Variants in TPRG1 observed in about 807,000 individuals in gnomAD.
The protein encoded by TPRG1 is tumor protein p63-regulated gene 1 protein.
Under a neutral mutation model 29.3 loss-of-function variants are expected in TPRG1, and 29 were observed. That is an observed-to-expected ratio of 0.99 (90% confidence interval 0.74 to 1.35). TPRG1 has a LOEUF of 1.35. Ranked by LOEUF, TPRG1 falls within the 40% of genes most tolerant of loss-of-function variation. The pLI is 0.00. For synonymous variants in TPRG1, 130 were observed against 116.8 expected (o/e 1.11, Z -0.73); for missense variants, 327 against 335.0 (o/e 0.98, Z 0.19).
intron 5 of TPRG1, among the ~76,000 whole-genome samples, chr3:189,161,392 A>G (rs1343614818): frequency 6.6e-6 from 1 of 152,182 alleles, no homozygotes; most frequent in African/African-American, 2.4e-5. Context: ...GCATTGTAAA[A>G]ACCAAAAGAT....
chr3:189,022,207 C>T (rs542070980), intron 3 of TPRG1, among the ~76,000 whole-genome samples: 17 of 152,184 alleles, frequency 1.1e-4, no homozygotes, highest in African/African-American at 3.9e-4. Context: ...GTAATTTGAT[C>T]GTCTGAAGTC....
chr3:189,200,675 C>T (rs7635429), intron 1 of TPRG1, among the ~76,000 whole-genome samples: 27,493 of 152,142 alleles, frequency 0.18, 3,782 homozygotes, highest in African/African-American at 0.38. Flanking sequence ...TGCACAAATA[C>T]TGTTCTAGAG....
chr3:189,189,966 A>G (rs764244160), intron 1 of TPRG1, among the ~76,000 whole-genome samples: 4 of 152,232 alleles, frequency 2.6e-5, no homozygotes, highest in Admixed American at 6.5e-5. Context: ...TCTGATTATT[A>G]TAGACTGGCT....
At chr3:189,000,605 A>T (rs946364404) in intron 1 of TPRG1, among the ~76,000 whole-genome samples, 1 of 152,058 alleles carries the variant, frequency 6.6e-6, no homozygotes, top group Non-Finnish European at 1.5e-5. Flanking sequence ...AAATTATTAC[A>T]TGTGTGTGGC....
intron 1 of TPRG1, among the ~76,000 whole-genome samples, chr3:189,117,759 A>G (rs1358932708): frequency 2.0e-5 from 3 of 152,214 alleles, no homozygotes; most frequent in African/African-American, 7.2e-5. Flanking sequence ...TGAAGAAGGT[A>G]CTTGCTTCTC....
intron 4 of TPRG1, among the ~76,000 whole-genome samples, chr3:189,260,258 G>A (rs75023926): frequency 0.03 from 4,541 of 152,256 alleles, 227 homozygotes; most frequent in African/African-American, 0.1. Flanking sequence ...TTGGTATATA[G>A]TAAGCATTTG....
chr3:189,024,539 C>T (rs1033613904), intron 4 of TPRG1, among the ~76,000 whole-genome samples: 1 of 152,150 alleles, frequency 6.6e-6, no homozygotes, highest in African/African-American at 2.4e-5. Flanking sequence ...AGCAGTGTGG[C>T]GATGTTCTGG....
rs151015990 is a variant in TPRG1 at position 189,307,897 on chromosome 3, G to A, written c.480-2489G>A. On this transcript the variant is annotated intron_variant, in intron 4 of 5. Coordinates refer to ENST00000345063, the MANE Select transcript of TPRG1 (RefSeq NM_198485.4). ...TAAAATGTTGTGGTAGGTCCTGAAA[G>A]CCTCTTGGAATGATAGGATAGTACT... Among the ~76,000 whole-genome samples, 29 of 152,328 alleles carry A rather than the reference G, an allele frequency of 1.9e-4. 1 individual carries two copies. The East Asian group carries it at 5.6e-3, about 29-fold the overall frequency.
In TPRG1 at chr3:189,288,887, A is replaced by G. The variant is rs540012302; in HGVS notation, c.480-21499A>G. Among the ~76,000 whole-genome samples the G allele has an allele frequency of 2.6e-5, 4 of 152,376 alleles. No individual in the cohort carries two copies. In the South Asian group the frequency reaches 8.3e-4, roughly 32 times the overall value. ...ATAATCAGCATAAGATGGTCTTGCA[A>G]GATTCCAGCTTGTTATGAGGTAACC... On this transcript the variant is annotated intron_variant, in intron 4 of 5. Coordinates refer to ENST00000345063, the MANE Select transcript of TPRG1 (RefSeq NM_198485.4).
chr3:189,190,934 G>A (rs992182365), intron 1 of TPRG1: 1 of 985,040 alleles, frequency 1.0e-6, no homozygotes, highest in Admixed American at 6.2e-5. Flanking sequence ...CCTTTGCAAT[G>A]AGCCGGCTTT....
At chr3:189,120,773 T>C (rs1431490464) in intron 1 of TPRG1, among the ~76,000 whole-genome samples, 1 of 152,172 alleles carries the variant, frequency 6.6e-6, no homozygotes. Context: ...AAATTATAGC[T>C]GAAAGGCAAA....
At chr3:189,124,501 G>T (rs889989127) in intron 1 of TPRG1, among the ~76,000 whole-genome samples, 1 of 151,502 alleles carries the variant, frequency 6.6e-6, no homozygotes. Flanking sequence ...TTTGTTTCAC[G>T]TATACATATT....
At chr3:189,010,008 A>C (rs949723481) in intron 3 of TPRG1, among the ~76,000 whole-genome samples, 2 of 151,996 alleles carry the variant, frequency 1.3e-5, no homozygotes, top group African/African-American at 4.8e-5. Flanking sequence ...ATGTGTTCTC[A>C]TCATTTAGCT....
chr3:189,185,958 C>T (rs1052496265), intron 1 of TPRG1, among the ~76,000 whole-genome samples: 2 of 152,184 alleles, frequency 1.3e-5, no homozygotes, highest in East Asian at 3.9e-4. Flanking sequence ...TTGTATTATA[C>T]TCCATGATAG....
chr3:189,022,752 C>G (rs1713407657), intron 3 of TPRG1, among the ~76,000 whole-genome samples: 2 of 152,234 alleles, frequency 1.3e-5, no homozygotes, highest in Non-Finnish European at 2.9e-5. Context: ...GTGGCAGGCT[C>G]CACCCAGTTG....
chr3:189,153,701 G>A (rs150566637), intron 5 of TPRG1, among the ~76,000 whole-genome samples: 224 of 152,348 alleles, frequency 1.5e-3, no homozygotes, highest in African/African-American at 5.2e-3. Context: ...AGCATCAGCA[G>A]CATCTGCTGC....
chr3:189,296,573 G>A (rs1331217242), intron 4 of TPRG1, among the ~76,000 whole-genome samples: 2 of 152,148 alleles, frequency 1.3e-5, no homozygotes, highest in African/African-American at 4.8e-5. Context: ...CACTGTTGTA[G>A]TATTGTTTCC....
rs75114954 is a variant in TPRG1 at position 189,127,736 on chromosome 3, A to T, written c.-590+526A>T. On this transcript the variant is annotated intron_variant, in intron 2 of 6. Coordinates refer to the TPRG1 transcript ENST00000412373. ...TAAAGGAGGTAAACTCACAAAAGAG[A>T]TGGCCTCTGGGTAGAACCTTGAGGT... 1.9e-4 allele frequency among the ~76,000 whole-genome samples: 29 copies of T among 152,338 alleles called. 1 individual carries two copies. In the East Asian group the frequency reaches 4.8e-3, roughly 25 times the overall value.
intron 5 of TPRG1, among the ~76,000 whole-genome samples, chr3:189,318,597 C>T (rs1456565919): frequency 6.6e-6 from 1 of 152,102 alleles, no homozygotes; most frequent in African/African-American, 2.4e-5. Context: ...AAAAATAGAG[C>T]AGCTCTGATG....
Sources: gnomAD v4.1 joint callset for allele counts (sites outside exome capture counted in the v4.1 genomes callset) on GRCh38, gnomAD v4.1.1 for gene constraint, MANE v1.5 for transcripts, NCBI Gene and HGNC (gene_info 2026-07-23, HGNC 2026-07-21) for gene names.